The following RBFOX1 variants were observed in gnomAD, a reference collection of about 807,000 sequenced individuals.
RBFOX1 encodes the protein RNA binding protein fox-1 homolog 1.
A neutral mutation model predicts 57.7 loss-of-function variants in RBFOX1; 8 were observed. That is an observed-to-expected ratio of 0.14 (90% CI 0.08 to 0.25). RBFOX1 has a LOEUF of 0.25. Ranked by LOEUF, RBFOX1 falls within the 10% of genes least tolerant of loss-of-function variation. The pLI is 1.00. For missense variants in RBFOX1, 611 were observed against 548.5 expected (o/e 1.11, Z -1.14); for synonymous variants, 326 against 222.4 (o/e 1.47, Z -4.15).
chr16:5,939,181 T>C (rs560231366), intron 4 of RBFOX1, among the ~76,000 whole-genome samples: 15 of 152,306 alleles, frequency 9.8e-5, no homozygotes, highest in Admixed American at 9.2e-4. Context: ...ACATGGCATA[T>C]GTAGACATGT....
At chr16:6,483,874 G>T in intron 2 of RBFOX1, 2 of 1,186,032 alleles carry the variant, frequency 1.7e-6, no homozygotes, top group Non-Finnish European at 1.1e-6. Context: ...AACCGGAGAT[G>T]GAAGGATGAG....
At chr16:7,487,686 C>T (rs1248377401) in intron 4 of RBFOX1, among the ~76,000 whole-genome samples, 1 of 152,192 alleles carries the variant, frequency 6.6e-6, no homozygotes, top group African/African-American at 2.4e-5. Context: ...GACACTCACA[C>T]ACACACATGC....
chr16:5,257,607 C>T (rs1030470769), intron 1 of RBFOX1, among the ~76,000 whole-genome samples: 1 of 152,170 alleles, frequency 6.6e-6, no homozygotes, highest in African/African-American at 2.4e-5. Context: ...AGTTCTTGGA[C>T]ACTTCTGGAG....
chr16:5,400,506 C>G (rs964838884), intron 1 of RBFOX1, among the ~76,000 whole-genome samples: 2 of 152,122 alleles, frequency 1.3e-5, no homozygotes, highest in African/African-American at 4.8e-5. Flanking sequence ...AAATTGAAAT[C>G]ATACCATGTA....
intron 4 of RBFOX1, chr16:7,304,502 C>A (rs964562497): frequency 1.9e-5 from 19 of 985,186 alleles, no homozygotes; most frequent in Non-Finnish European, 2.0e-5. Context: ...CGCGCGTCTG[C>A]CCTCGGTGGC....
intron 1 of RBFOX1, among the ~76,000 whole-genome samples, chr16:6,143,620 A>C (rs2096735380): frequency 6.6e-6 from 1 of 152,142 alleles, no homozygotes; most frequent in African/African-American, 2.4e-5. Flanking sequence ...TAATTGCCCC[A>C]AATCATGCAT....
chr16:7,545,319 G>C (rs1032436642), intron 5 of RBFOX1, among the ~76,000 whole-genome samples: 2 of 151,920 alleles, frequency 1.3e-5, no homozygotes, highest in African/African-American at 4.8e-5. Flanking sequence ...GCGGGTCATG[G>C]GGGTGGAGGT....
At chr16:5,540,609 G>A (rs2044893449) in intron 2 of RBFOX1, among the ~76,000 whole-genome samples, 1 of 152,220 alleles carries the variant, frequency 6.6e-6, no homozygotes, top group African/African-American at 2.4e-5. Flanking sequence ...AACTGCCTGT[G>A]TCAGAATCAC....
At chr16:6,018,212 G>A (rs970662113), upstream of RBFOX1, among the ~76,000 whole-genome samples, 6 of 151,908 alleles carry the variant, frequency 3.9e-5, no homozygotes, top group South Asian at 8.3e-4. Flanking sequence ...GAGGGAGGAA[G>A]GAAGGGAGGG....
intron 4 of RBFOX1, among the ~76,000 whole-genome samples, chr16:7,099,139 GT>G (rs1159760597): frequency 1.3e-5 from 2 of 151,992 alleles, no homozygotes; most frequent in Admixed American, 6.5e-5. Context: ...GATAGTAGCT[GT>G]TTACTAAAAG....
At chr16:5,561,764 G>T (rs2045898724) in intron 2 of RBFOX1, among the ~76,000 whole-genome samples, 1 of 151,854 alleles carries the variant, frequency 6.6e-6, no homozygotes, top group Admixed American at 6.6e-5. Context: ...GGGGTGAGAG[G>T]GTCACTTGTT....
chr16:7,047,189 C>G (rs2048281745), intron 3 of RBFOX1, among the ~76,000 whole-genome samples: 1 of 151,972 alleles, frequency 6.6e-6, no homozygotes, highest in South Asian at 2.1e-4. Flanking sequence ...CTTCAGGTAT[C>G]CTATTTCCTT....
intron 14 of RBFOX1, among the ~76,000 whole-genome samples, chr16:7,702,050 T>C (rs2080910200): frequency 6.6e-6 from 1 of 152,170 alleles, no homozygotes; most frequent in Non-Finnish European, 1.5e-5. Context: ...TAACTTGTCC[T>C]TTCCTTGAAT....
intron 4 of RBFOX1, among the ~76,000 whole-genome samples, chr16:7,087,578 G>A (rs12928179): frequency 2.7e-5 from 4 of 149,980 alleles, no homozygotes; most frequent in Non-Finnish European, 5.9e-5. Context: ...GGGAGAGAGG[G>A]AGGGAGGGAG....
intron 2 of RBFOX1, among the ~76,000 whole-genome samples, chr16:5,518,009 C>T (rs896614176): frequency 2.6e-5 from 4 of 151,622 alleles, no homozygotes; most frequent in Admixed American, 2.6e-4. Context: ...CCAGTGTTGA[C>T]TTAAATTATT....
At chr16:6,128,736 C>T (rs749599535) in intron 1 of RBFOX1, among the ~76,000 whole-genome samples, 27 of 152,264 alleles carry the variant, frequency 1.8e-4, no homozygotes, top group African/African-American at 5.3e-4. Context: ...CAGACTTCAC[C>T]GGAGATCAGA....
intron 3 of RBFOX1, among the ~76,000 whole-genome samples, chr16:6,670,015 A>G (rs138736707): frequency 9.2e-5 from 14 of 152,240 alleles, no homozygotes; most frequent in Middle Eastern, 3.4e-3. Flanking sequence ...CTGTCTATCT[A>G]TCTATCTGTC....
chr16:6,051,353 A>G (rs1448171420), intron 1 of RBFOX1, among the ~76,000 whole-genome samples: 1 of 151,794 alleles, frequency 6.6e-6, no homozygotes. Context: ...TTTGAGACAG[A>G]GTCTTGCTCT....
At chr16:7,391,995 T>A (rs908480906) in intron 4 of RBFOX1, among the ~76,000 whole-genome samples, 6 of 152,230 alleles carry the variant, frequency 3.9e-5, no homozygotes, top group African/African-American at 1.4e-4. Flanking sequence ...AAGCTCTCTC[T>A]GTCTTCCTTC....
Sources: gnomAD v4.1 joint callset for allele counts (sites outside exome capture counted in the v4.1 genomes callset) on GRCh38, gnomAD v4.1.1 for gene constraint, MANE v1.5 for transcripts, NCBI Gene and HGNC (gene_info 2026-07-23, HGNC 2026-07-21) for gene names.